Variants in KSR1 observed in about 807,000 individuals in gnomAD.
KSR1 encodes kinase suppressor of ras 1.
A neutral mutation model predicts 92.9 loss-of-function variants in KSR1; 35 were observed. The ratio of observed to expected loss-of-function variants is 0.38; its 90% CI spans 0.29 to 0.50. KSR1 has a LOEUF of 0.50. KSR1 is among the 20% of genes least tolerant of loss of function. The pLI, the probability that KSR1 is intolerant of heterozygous loss-of-function variation, is 0.94. For missense variants in KSR1, 972 were observed against 1,158.5 expected (o/e 0.84, Z 2.34); for synonymous variants, 467 against 472.6 (o/e 0.99, Z 0.15).
At chr17:27,503,608 A>G (rs756873401) in intron 1 of KSR1, among the ~76,000 whole-genome samples, 4 of 151,958 alleles carry the variant, frequency 2.6e-5, no homozygotes, top group Admixed American at 6.6e-5. Context: ...GTTCCCATCT[A>G]TTTCTGGTTG....
At chr17:27,518,661 G>A (rs1174083036) in intron 1 of KSR1, among the ~76,000 whole-genome samples, 1 of 152,208 alleles carries the variant, frequency 6.6e-6, no homozygotes, top group East Asian at 1.9e-4. Flanking sequence ...GACAAGTTCT[G>A]TGGGAAAGTG....
chr17:27,501,985 C>T (rs2069207395), intron 1 of KSR1, among the ~76,000 whole-genome samples: 3 of 152,348 alleles, frequency 2.0e-5, no homozygotes, highest in Non-Finnish European at 4.4e-5. Flanking sequence ...AGTTGTCCCT[C>T]AGGTGGACTG....
intron 1 of KSR1, among the ~76,000 whole-genome samples, chr17:27,470,532 G>A (rs946465026): frequency 6.6e-6 from 1 of 151,734 alleles, no homozygotes; most frequent in Non-Finnish European, 1.5e-5. Context: ...GAGCCACTGC[G>A]CCAGGCCTAA....
chr17:27,499,202 C>A lies in KSR1; in HGVS notation c.231+42328C>A, dbSNP rs1262879998. On this transcript the variant is annotated intron_variant, in intron 1 of 20. Transcript: ENST00000644974. ...AACTCAGGGAGGTGGAGGGAAGCAG[C>A]GCCTCTCTGTTTTCTGTTGGGCCCC... Among the ~76,000 whole-genome samples, 3 of 152,168 alleles carry A rather than the reference C, an allele frequency of 2.0e-5. No individual in the cohort carries two copies. The East Asian group carries it at 5.8e-4, about 29-fold the overall frequency.
intron 1 of KSR1, among the ~76,000 whole-genome samples, chr17:27,487,566 T>G: frequency 6.8e-6 from 1 of 146,870 alleles, no homozygotes; most frequent in Non-Finnish European, 1.5e-5. Flanking sequence ...CTGGGCAACG[T>G]GGTGAAACCC....
intron 1 of KSR1, among the ~76,000 whole-genome samples, chr17:27,467,563 GGTGTGGTTGC>G (rs1262604982): frequency 7.2e-5 from 11 of 152,144 alleles, no homozygotes; most frequent in Admixed American, 2.0e-4. Context: ...GGTCTCTTAG[GGTGTGGTTGC>G]GTTTTTGGTC....
intron 5 of KSR1, 115 bp from the exon 6 acceptor site, chr17:27,588,360 T>C: frequency 2.5e-6 from 2 of 812,604 alleles, no homozygotes; most frequent in Non-Finnish European, 3.8e-6. Context: ...GAGATGCTTA[T>C]ATAATAAACC....
chr17:27,517,424 C>G (rs1338645933), intron 1 of KSR1, among the ~76,000 whole-genome samples: 1 of 152,128 alleles, frequency 6.6e-6, no homozygotes, highest in Non-Finnish European at 1.5e-5. Context: ...CATCCACCCC[C>G]TGGGCTCAAG....
chr17:27,533,214 C>G (rs971235239), intron 1 of KSR1, among the ~76,000 whole-genome samples: 1 of 152,152 alleles, frequency 6.6e-6, no homozygotes, highest in Non-Finnish European at 1.5e-5. Flanking sequence ...GTTTACGCCT[C>G]TGTACAATGG....
At chr17:27,492,004 G>A (rs1042151695) in intron 1 of KSR1, among the ~76,000 whole-genome samples, 1 of 152,114 alleles carries the variant, frequency 6.6e-6, no homozygotes, top group East Asian at 1.9e-4. Flanking sequence ...TCTCTCCGTC[G>A]GCCTCCACCA....
At chr17:27,498,303 A>G (rs1325425202) in intron 1 of KSR1, among the ~76,000 whole-genome samples, 3 of 145,410 alleles carry the variant, frequency 2.1e-5, no homozygotes, top group Non-Finnish European at 4.5e-5. Flanking sequence ...GCACCACTGC[A>G]CTCCAGCCTG....
intron 2 of KSR1, among the ~76,000 whole-genome samples, chr17:27,562,128 G>A (rs2071855370): frequency 6.6e-6 from 1 of 152,218 alleles, no homozygotes; most frequent in Non-Finnish European, 1.5e-5. Context: ...TTACAGGCAT[G>A]AGCCACCAGG....
At chr17:27,557,973 C>T (rs117059040) in intron 2 of KSR1, 7 of 152,714 alleles carry the variant, frequency 4.6e-5, no homozygotes, top group Non-Finnish European at 8.8e-5. Context: ...TCTGTGCCCC[C>T]GAGTCAGGCT....
intron 1 of KSR1, among the ~76,000 whole-genome samples, chr17:27,548,245 A>G (rs575716819): frequency 8.0e-5 from 12 of 149,642 alleles, no homozygotes; most frequent in East Asian, 7.9e-4. Flanking sequence ...AAAAAAAAAA[A>G]GATAAAGATA....
intron 1 of KSR1, among the ~76,000 whole-genome samples, chr17:27,530,085 G>A (rs115609664): frequency 0.016 from 2,467 of 152,306 alleles, 69 homozygotes; most frequent in African/African-American, 0.054. Context: ...TCAGCAAAAT[G>A]AGTTTAATGC....
intron 1 of KSR1, among the ~76,000 whole-genome samples, chr17:27,546,317 C>A (rs1364081422): frequency 6.6e-6 from 1 of 152,210 alleles, no homozygotes; most frequent in African/African-American, 2.4e-5. Flanking sequence ...GGTCTCCATG[C>A]TGTAGTTGAA....
chr17:27,467,458 T>A (rs2019750269), intron 1 of KSR1, among the ~76,000 whole-genome samples: 1 of 152,234 alleles, frequency 6.6e-6, no homozygotes, highest in South Asian at 2.1e-4. Flanking sequence ...TTCTCCCTGG[T>A]GTATCACAGA....
In KSR1 at chr17:27,610,274, A is replaced by G; in HGVS notation, c.2357+76A>G. The G allele has an allele frequency of 7.5e-6, 12 of 1,595,508 alleles. No homozygotes were observed. The South Asian group carries it at 1.3e-4, about 18-fold the overall frequency. ...CCTGGTGGCCATTGGGGGCAGAGGGAGGCATGCTTTTAGGTGTTGAAAACC... is the reference window on the plus strand; with the variant it reads ...CCTGGTGGCCATTGGGGGCAGAGGGGGGCATGCTTTTAGGTGTTGAAAACC... On this transcript the variant is annotated intron_variant, in intron 17 of 20. Transcript: ENST00000644974.
intron 2 of KSR1, among the ~76,000 whole-genome samples, chr17:27,560,817 G>C (rs927522262): frequency 6.6e-6 from 1 of 152,178 alleles, no homozygotes; most frequent in African/African-American, 2.4e-5. Context: ...AGGCCCAGCT[G>C]TTCTTACAAC....
Sources: allele counts gnomAD v4.1 joint callset (sites outside exome capture counted in the v4.1 genomes callset), GRCh38; gene constraint gnomAD v4.1.1; transcripts MANE v1.5; gene names NCBI Gene and HGNC (gene_info 2026-07-23, HGNC 2026-07-21).